The following ZRANB3 variants were observed in gnomAD, a reference collection of about 807,000 sequenced individuals.
The protein encoded by ZRANB3 is zinc finger RANBP2-type containing 3, also known as DNA annealing helicase and endonuclease ZRANB3.
ZRANB3 carries 125 observed loss-of-function variants against 133.8 expected under a neutral mutation model. That is an observed-to-expected ratio of 0.93 (90% CI 0.81 to 1.08). The LOEUF (loss-of-function observed/expected upper bound fraction) is 1.08. Ranked by LOEUF, ZRANB3 falls within the 50% of genes least tolerant of loss-of-function variation. The pLI is 0.00. For synonymous variants in ZRANB3, 387 were observed against 432.7 expected, an observed-to-expected ratio of 0.89 and a Z score of 1.31; for missense variants, 1,229 against 1,275.5, an observed-to-expected ratio of 0.96 and a Z score of 0.56.
chr2:135,486,405 C>T (rs771979270), intron 2 of ZRANB3, among the ~76,000 whole-genome samples: 4 of 152,150 alleles, frequency 2.6e-5, no homozygotes, highest in Admixed American at 6.5e-5. Context: ...AACTCCTCAT[C>T]GTTCAAGTTT....
intron 20 of ZRANB3, chr2:135,202,356 G>C (rs1012695048): frequency 6.6e-6 from 1 of 152,328 alleles, no homozygotes; most frequent in Non-Finnish European, 1.5e-5. Context: ...CTCATTCTAA[G>C]CAACAGGTAA....
At position 135,385,796 on chromosome 2, in the gene ZRANB3, C is replaced by T. The variant is rs1313089723; in HGVS notation, c.180+5006G>A. Among the ~76,000 whole-genome samples, 3 of 152,084 alleles carry T rather than the reference C, an allele frequency of 2.0e-5. 1 individual carries two copies. The South Asian group carries it at 6.2e-4, about 32-fold the overall frequency. ...AAACTGGCTAGCCATGTGTAGAAAG[C>T]CGAAACTGGATCCCTGCTTTACACC... On this transcript the variant is annotated intron_variant, in intron 3 of 20. Coordinates refer to ENST00000264159, the MANE Select transcript of ZRANB3 (RefSeq NM_032143.4).
At chr2:135,508,764 A>G (rs1474560080) in intron 1 of ZRANB3, among the ~76,000 whole-genome samples, 1 of 152,102 alleles carries the variant, frequency 6.6e-6, no homozygotes, top group African/African-American at 2.4e-5. Context: ...AAAAGGTGTA[A>G]TAAAGAATAT....
intron 17 of ZRANB3, among the ~76,000 whole-genome samples, chr2:135,213,120 C>CT (rs1307172809): frequency 1.3e-5 from 2 of 151,454 alleles, no homozygotes; most frequent in African/African-American, 4.9e-5. Context: ...AACTATAGGT[C>CT]TTTTTTCAGA....
intron 12 of ZRANB3, among the ~76,000 whole-genome samples, chr2:135,249,688 CTG>C (rs1679286130): frequency 6.6e-6 from 1 of 152,184 alleles, no homozygotes; most frequent in African/African-American, 2.4e-5. Flanking sequence ...CTCATGAGAT[CTG>C]ATGGGTTTAT....
rs1574203688 is a variant in ZRANB3, at chr2:135,496,371, C to A, written c.161+7958G>T. On this transcript the variant is annotated intron_variant, in intron 2 of 20. Transcript: ENST00000264159. ...TGTACTCCAGCCTGGGCAACAAGAG[C>A]AAAACTCCATCTTAAAAAAAAAAAA... Among the ~76,000 whole-genome samples the A allele has an allele frequency of 5.6e-5, 4 of 71,264 alleles. No individual in the cohort carries two copies. The South Asian group carries it at 2.0e-3, about 36-fold the overall frequency. 46.8% of individuals were successfully genotyped at this position (71,264 alleles called of 152,430 possible).
intron 2 of ZRANB3, among the ~76,000 whole-genome samples, chr2:135,460,316 G>A (rs1486106042): frequency 6.6e-6 from 1 of 151,536 alleles, no homozygotes; most frequent in Non-Finnish European, 1.5e-5. Context: ...CTGGAGTGCA[G>A]TGACGTGATC....
intron 3 of ZRANB3, among the ~76,000 whole-genome samples, chr2:135,355,026 T>G (rs1429236066): frequency 6.6e-6 from 1 of 151,838 alleles, no homozygotes; most frequent in Non-Finnish European, 1.5e-5. Flanking sequence ...AAAAGAAAAA[T>G]GCAGAAACTG....
intron 1 of ZRANB3, 29 bp downstream of exon 1, chr2:135,531,098 C>T (rs1276076000): frequency 6.6e-6 from 1 of 152,186 alleles, no homozygotes; most frequent in African/African-American, 2.4e-5. Flanking sequence ...TAAATACCCA[C>T]TGAGGAGATC....
Position 135,406,288 on chromosome 2 carries a change from T to G in ZRANB3, c.162-15468A>C, listed in dbSNP as rs530899987. Among the ~76,000 whole-genome samples, 33 of 152,268 alleles carry G rather than the reference T, an allele frequency of 2.2e-4. No homozygotes were observed. The South Asian group carries it at 5.8e-3, about 27-fold the overall frequency. Reference sequence around the variant, plus strand: ...CTAAACCAGGAAGAAGTTGAATCTCTGAATAGACCAAAAACAGGCTCTGAA... The same window carrying G: ...CTAAACCAGGAAGAAGTTGAATCTCGGAATAGACCAAAAACAGGCTCTGAA... On this transcript the variant is annotated intron_variant, in intron 2 of 20. Coordinates refer to ENST00000264159, the MANE Select transcript of ZRANB3 (RefSeq NM_032143.4).
At position 135,378,588 on chromosome 2, in the gene ZRANB3, A is replaced by C. The variant is rs528248141; in HGVS notation, c.180+12214T>G. Among the ~76,000 whole-genome samples the C allele has an allele frequency of 3.3e-5, 5 of 152,300 alleles. No individual in the cohort carries two copies. In the East Asian group the frequency reaches 9.6e-4, roughly 29 times the overall value. ...TTCTTCCCAAAAATTCAGTATAAAA[A>C]AAGGGGGGGAAATGAGTAACTATAC... On this transcript the variant is annotated intron_variant, in intron 3 of 20. Transcript: ENST00000264159.
At chr2:135,472,074 T>C (rs943994473) in intron 2 of ZRANB3, among the ~76,000 whole-genome samples, 3 of 152,198 alleles carry the variant, frequency 2.0e-5, no homozygotes, top group African/African-American at 7.2e-5. Context: ...CTCATGGCAT[T>C]ATAAAGAAAA....
intron 1 of ZRANB3, among the ~76,000 whole-genome samples, chr2:135,510,053 C>A (rs564273126): frequency 1.3e-5 from 2 of 152,202 alleles, no homozygotes; most frequent in South Asian, 4.2e-4. Context: ...TTCTCCACAC[C>A]AGAAAGTGGT....
intron 3 of ZRANB3, among the ~76,000 whole-genome samples, chr2:135,358,764 AT>A (rs1685547552): frequency 6.6e-6 from 1 of 152,174 alleles, no homozygotes; most frequent in Non-Finnish European, 1.5e-5. Flanking sequence ...GAAGGATAAA[AT>A]AAAGAGTCTC....
chr2:135,238,647 G>A (rs1388108768), intron 12 of ZRANB3: 1 of 152,378 alleles, frequency 6.6e-6, no homozygotes, highest in South Asian at 2.1e-4. Context: ...TTACAGGCGT[G>A]AGCCACCGTG....
chr2:135,378,949 T>C (rs1260447290), intron 3 of ZRANB3, among the ~76,000 whole-genome samples: 1 of 152,162 alleles, frequency 6.6e-6, no homozygotes, highest in African/African-American at 2.4e-5. Context: ...CTGGATGGAA[T>C]CCTAGTTTTA....
chr2:135,378,321 G>A (rs111970709), intron 3 of ZRANB3, among the ~76,000 whole-genome samples: 120 of 152,046 alleles, frequency 7.9e-4, no homozygotes, highest in African/African-American at 2.6e-3. Flanking sequence ...GGCGAAAGCC[G>A]GTCTCTACTA....
At chr2:135,409,658 A>G (rs1200776707) in intron 2 of ZRANB3, among the ~76,000 whole-genome samples, 1 of 152,132 alleles carries the variant, frequency 6.6e-6, no homozygotes, top group Non-Finnish European at 1.5e-5. Context: ...AGAAATAGAA[A>G]GCATCCGAAA....
intron 12 of ZRANB3, among the ~76,000 whole-genome samples, chr2:135,260,495 T>C (rs1573778300): frequency 6.6e-6 from 1 of 151,776 alleles, no homozygotes; most frequent in Admixed American, 6.6e-5. Context: ...ACATCTAGCA[T>C]GGGTAAAGAA....
Sources: gnomAD v4.1 joint callset for allele counts (sites outside exome capture counted in the v4.1 genomes callset) on GRCh38, gnomAD v4.1.1 for gene constraint, MANE v1.5 for transcripts, NCBI Gene and HGNC (gene_info 2026-07-23, HGNC 2026-07-21) for gene names.